The following CCPG1 variants were observed in gnomAD, a reference collection of about 807,000 sequenced individuals.
CCPG1 encodes cell cycle progression protein 1.
A neutral mutation model predicts 81.3 loss-of-function variants in CCPG1; 46 were observed. The observed-to-expected ratio is 0.57, with a 90% CI of 0.45 to 0.72. The LOEUF (loss-of-function observed/expected upper bound fraction) is 0.72, where lower values mean the gene tolerates loss of function less well. Ranked by LOEUF, CCPG1 falls within the 30% of genes least tolerant of loss-of-function variation. CCPG1 has a pLI of 0.00. For missense variants in CCPG1, 902 were observed against 937.6 expected (o/e 0.96, Z 0.50); for synonymous variants, 330 against 305.2 (o/e 1.08, Z -0.85).
intron 8 of CCPG1, 48 bp from the exon 9 acceptor site, chr15:55,356,457 T>G: frequency 1.4e-6 from 2 of 1,404,486 alleles, no homozygotes; most frequent in Non-Finnish European, 1.9e-6. Flanking sequence ...TTCAATGTAT[T>G]TAAATTTAAA....
intron 6 of CCPG1, among the ~76,000 whole-genome samples, chr15:55,367,803 T>C (rs2056362841): frequency 6.6e-6 from 1 of 152,154 alleles, no homozygotes; most frequent in Non-Finnish European, 1.5e-5. Context: ...TAAATTGCCA[T>C]TATTTTCCAT....
At position 55,381,387 on chromosome 15, in the gene CCPG1, C is replaced by A. The variant is rs544149290; in HGVS notation, c.176-3011G>T. 2.0e-5 allele frequency among the ~76,000 whole-genome samples: 3 copies of A among 147,202 alleles called. No homozygotes were observed. The East Asian group carries it at 6.1e-4, about 30-fold the overall frequency. Reference sequence around the variant, plus strand: ...GGCGGAGGTTACAGTGAGCTGAGATCATTGCGCCACTGCACTCCAGCCTGG... The same window carrying A: ...GGCGGAGGTTACAGTGAGCTGAGATAATTGCGCCACTGCACTCCAGCCTGG... On this transcript the variant is annotated intron_variant, in intron 3 of 8. Coordinates refer to ENST00000442196, the MANE Select transcript of CCPG1 (RefSeq NM_001204450.2).
intron 1 of CCPG1, among the ~76,000 whole-genome samples, chr15:55,402,997 A>G (rs1217510913): frequency 6.6e-6 from 1 of 152,186 alleles, no homozygotes; most frequent in African/African-American, 2.4e-5. Context: ...ACCAATCTCT[A>G]CCAAGAAATC....
intron 1 of CCPG1, among the ~76,000 whole-genome samples, chr15:55,390,201 C>T (rs924552985): frequency 6.6e-5 from 10 of 152,260 alleles, no homozygotes; most frequent in Non-Finnish European, 1.2e-4. Context: ...GGATTACAGG[C>T]GTGAACCACT....
At chr15:55,406,192 T>C (rs956525074) in intron 1 of CCPG1, among the ~76,000 whole-genome samples, 1 of 149,458 alleles carries the variant, frequency 6.7e-6, no homozygotes, top group Non-Finnish European at 1.5e-5. Flanking sequence ...GTAATGTTCA[T>C]AGAGTCCATA....
At chr15:55,378,999 T>C (rs948143999) in intron 3 of CCPG1, among the ~76,000 whole-genome samples, 1 of 152,014 alleles carries the variant, frequency 6.6e-6, no homozygotes, top group East Asian at 1.9e-4. Context: ...ATACCTAATA[T>C]GAAAAAATCT....
At position 55,389,443 on chromosome 15, in the gene CCPG1, CA is replaced by C. The variant is rs2056869975; in HGVS notation, c.-9-11del. The C allele has an allele frequency of 1.9e-6, 3 of 1,587,812 alleles. No individual in the cohort carries two copies. The highest frequency in any genetic ancestry group is 3.3e-5 in the Admixed American group (2 of 59,910). On this transcript the variant is annotated splice_polypyrimidine_tract_variant and intron_variant, in intron 1 of 8. Transcript: ENST00000442196. The stretch of plus-strand genomic sequence containing the variant: ...CAGACATCTTTCAGGTCTACAAATA[CA>C]AAAACATATTGACTCATGAGACACA...
chr15:55,392,053 G>C (rs1389781801), intron 1 of CCPG1, among the ~76,000 whole-genome samples: 1 of 140,802 alleles, frequency 7.1e-6, no homozygotes. Flanking sequence ...AAAATCAAAA[G>C]ATCTGATGAC....
chr15:55,394,852 G>T (rs149869848), intron 1 of CCPG1, among the ~76,000 whole-genome samples: 41 of 151,648 alleles, frequency 2.7e-4, no homozygotes, highest in African/African-American at 9.7e-4. Context: ...ACAATGAGAA[G>T]CCAGAGCCTG....
intron 6 of CCPG1, among the ~76,000 whole-genome samples, chr15:55,368,523 A>G (rs1213458500): frequency 1.3e-5 from 2 of 152,340 alleles, no homozygotes; most frequent in East Asian, 3.9e-4. Context: ...CGGGTAGTCT[A>G]TCAATACTTA....
At chr15:55,387,889 C>A (rs909714044) in intron 2 of CCPG1, among the ~76,000 whole-genome samples, 1 of 148,804 alleles carries the variant, frequency 6.7e-6, no homozygotes, top group Non-Finnish European at 1.5e-5. Context: ...CGGTGGCTCA[C>A]GCCTGTAATC....
chr15:55,377,312 T>C (rs1421624982), intron 4 of CCPG1, among the ~76,000 whole-genome samples, 162 bp from the exon 5 acceptor site: 1 of 152,214 alleles, frequency 6.6e-6, no homozygotes, highest in Non-Finnish European at 1.5e-5. Flanking sequence ...GCTCATCATA[T>C]AGCTTGAGAA....
intron 3 of CCPG1, among the ~76,000 whole-genome samples, chr15:55,383,907 C>T (rs1379876004): frequency 6.6e-6 from 1 of 152,186 alleles, no homozygotes; most frequent in East Asian, 1.9e-4. Context: ...AGCAATAAGG[C>T]TATATGGCTT....
rs1325136655 is a variant in CCPG1 at position 55,355,290 on chromosome 15, T to G, written c.*930A>C. On this transcript the variant is annotated 3_prime_UTR_variant, in exon 9 of 9. Coordinates refer to ENST00000442196, the MANE Select transcript of CCPG1 (RefSeq NM_001204450.2). ...TAAACATTTATTTGCTTCTAGGAAA[T>G]AAGCGCTTTCCTAATTTCAAGCAAT... 2 of 1,604,592 alleles carry G rather than the reference T, an allele frequency of 1.2e-6. No individual in the cohort carries two copies. Among genetic ancestry groups the G allele is most frequent in the South Asian group, 2.2e-5 (2 of 89,720 alleles).
intron 1 of CCPG1, among the ~76,000 whole-genome samples, chr15:55,390,939 G>C (rs1279953729): frequency 6.6e-6 from 1 of 152,080 alleles, no homozygotes; most frequent in East Asian, 1.9e-4. Context: ...TAAGGCCCAG[G>C]CAGTTTATAA....
chr15:55,384,641 G>A (rs1353748439), intron 3 of CCPG1, among the ~76,000 whole-genome samples: 1 of 151,906 alleles, frequency 6.6e-6, no homozygotes, highest in East Asian at 1.9e-4. Context: ...GGAAACAAGA[G>A]CGAAACTCCG....
At chr15:55,366,627 C>A (rs116848164) in intron 6 of CCPG1, among the ~76,000 whole-genome samples, 8,074 of 152,104 alleles carry the variant, frequency 0.053, 307 homozygotes, top group South Asian at 0.099. Context: ...CAATATTAGC[C>A]AGGGAGTGGT....
intron 6 of CCPG1, among the ~76,000 whole-genome samples, chr15:55,366,095 T>C (rs998676825): frequency 2.0e-5 from 3 of 152,164 alleles, no homozygotes; most frequent in African/African-American, 7.2e-5. Context: ...CAGTTCACTA[T>C]CTTTTGTATT....
rs1199047894 is a variant in CCPG1 at position 55,360,478 on chromosome 15, G to A, written c.1295C>T (p.Thr432Ile). The A allele has an allele frequency of 1.2e-6, 2 of 1,613,904 alleles. No homozygotes were observed. Among genetic ancestry groups the A allele is most frequent in the Non-Finnish European group, 1.7e-6 (2 of 1,180,028 alleles). The stretch of plus-strand genomic sequence containing the variant: ...GAAGGTTAGCTTCCGTTCCAGCTCA[G>A]TGAGTCTTTCCCGTAAGATTGCTAT... ...KEIAILRERLTELERKLTFEQ... is the reference protein window; with the variant it reads ...KEIAILRERLIELERKLTFEQ... Residue 432 changes from threonine (T) to isoleucine (I), a missense_variant, in exon 8 of 9, where the codon ACT (threonine) becomes ATT (isoleucine). By Grantham distance (89) the Thr-to-Ile change is moderately conservative. Transcript: ENST00000442196.
Sources: gnomAD v4.1 joint callset for allele counts (sites outside exome capture counted in the v4.1 genomes callset) on GRCh38, gnomAD v4.1.1 for gene constraint, MANE v1.5 for transcripts, NCBI Gene and HGNC (gene_info 2026-07-23, HGNC 2026-07-21) for gene names.